Variants in SLCO3A1 observed in about 807,000 individuals in gnomAD.
SLCO3A1 encodes solute carrier organic anion transporter family member 3A1, also known as PGE1 transporter.
Under a neutral mutation model 63.1 loss-of-function variants are expected in SLCO3A1, and 27 were observed. The observed-to-expected ratio is 0.43, with a 90% CI of 0.32 to 0.59. The LOEUF (loss-of-function observed/expected upper bound fraction) is 0.59, where lower values mean the gene tolerates loss of function less well. SLCO3A1 is among the 20% of genes least tolerant of loss of function. SLCO3A1 has a pLI of 0.09. For synonymous variants in SLCO3A1, 473 were observed against 409.9 expected (o/e 1.15, Z -1.86); for missense variants, 773 against 945.8 (o/e 0.82, Z 2.40).
At chr15:92,126,400 C>A in intron 6 of SLCO3A1, 141 bp downstream of exon 6, 1 of 665,844 alleles carries the variant, frequency 1.5e-6, no homozygotes, top group Non-Finnish European at 2.6e-6. Flanking sequence ...TTACTGTCCA[C>A]GTTGGAGAAT....
chr15:91,999,025 T>G (rs2046223160), intron 2 of SLCO3A1, among the ~76,000 whole-genome samples: 1 of 152,188 alleles, frequency 6.6e-6, no homozygotes, highest in Admixed American at 6.5e-5. Flanking sequence ...CCTAAGCAAA[T>G]TATGCAGGAA....
At chr15:92,028,243 T>C (rs996806703) in intron 2 of SLCO3A1, among the ~76,000 whole-genome samples, 2 of 152,008 alleles carry the variant, frequency 1.3e-5, no homozygotes, top group African/African-American at 4.8e-5. Context: ...TTTCCACAAG[T>C]CCGTTGAAGT....
chr15:92,051,768 C>G (rs915818988), intron 2 of SLCO3A1, among the ~76,000 whole-genome samples: 2 of 152,188 alleles, frequency 1.3e-5, no homozygotes, highest in Admixed American at 6.5e-5. Context: ...CAGATTAACT[C>G]TTCAAAGAAG....
chr15:92,067,891 A>G (rs2047170547), intron 2 of SLCO3A1, among the ~76,000 whole-genome samples: 1 of 152,178 alleles, frequency 6.6e-6, no homozygotes, highest in Non-Finnish European at 1.5e-5. Context: ...CGTGAGGATC[A>G]GCTTCTTGAT....
At chr15:92,161,932 TGG>T (rs2048443624) in intron 9 of SLCO3A1, 1 of 130,742 alleles carries the variant, frequency 7.6e-6, no homozygotes, top group African/African-American at 3.0e-5. Context: ...GTTTCCTCTA[TGG>T]AACACCACAC....
chr15:92,048,375 A>G (rs1370845267), intron 2 of SLCO3A1, among the ~76,000 whole-genome samples: 4 of 152,080 alleles, frequency 2.6e-5, no homozygotes, highest in African/African-American at 9.7e-5. Flanking sequence ...GCTGCTATGA[A>G]ATGTGGTCGT....
At chr15:91,939,493 G>C (rs1259475557) in intron 2 of SLCO3A1, among the ~76,000 whole-genome samples, 1 of 152,152 alleles carries the variant, frequency 6.6e-6, no homozygotes, top group African/African-American at 2.4e-5. Context: ...GCTTTGCAGG[G>C]CTGGGCAGAC....
intron 7 of SLCO3A1, among the ~76,000 whole-genome samples, chr15:92,129,770 T>G (rs1417718067): frequency 1.3e-5 from 2 of 151,988 alleles, no homozygotes; most frequent in Non-Finnish European, 2.9e-5. Flanking sequence ...AGAAGAAAAA[T>G]GGATCATTTA....
intron 2 of SLCO3A1, among the ~76,000 whole-genome samples, chr15:91,966,194 C>T (rs776561346): frequency 6.6e-6 from 1 of 151,942 alleles, no homozygotes; most frequent in Non-Finnish European, 1.5e-5. Context: ...CTGGCAGCCC[C>T]AGCCACACCA....
downstream of SLCO3A1, among the ~76,000 whole-genome samples, chr15:92,168,376 G>C (rs2048504359): frequency 6.6e-6 from 1 of 152,194 alleles, no homozygotes; most frequent in African/African-American, 2.4e-5. Context: ...GGGCCAAGTA[G>C]TAAACATTTT....
intron 2 of SLCO3A1, among the ~76,000 whole-genome samples, chr15:92,008,370 T>G (rs1251543341): frequency 6.6e-6 from 1 of 152,200 alleles, no homozygotes; most frequent in African/African-American, 2.4e-5. Context: ...TCACCTATTC[T>G]TTCTGAACTC....
intron 1 of SLCO3A1, among the ~76,000 whole-genome samples, chr15:91,858,736 G>A (rs557432896): frequency 4.4e-4 from 67 of 152,336 alleles, no homozygotes; most frequent in African/African-American, 1.5e-3. Flanking sequence ...CTTCTTGCAC[G>A]AAGTCATTGG....
Position 91,863,800 on chromosome 15 carries a change from T to TTGTG in SLCO3A1, c.180+9715_180+9718dup, listed in dbSNP as rs1213141807. ...AACTGAGGGCAAGACTCCTGACTTA[T>TTGTG]TGTGTGGCATGTCGTGTCGCCTCCC... is the stretch of plus-strand genomic sequence containing the variant. On this transcript the variant is annotated intron_variant, in intron 1 of 9. Coordinates refer to ENST00000318445, the MANE Select transcript of SLCO3A1 (RefSeq NM_013272.4). This position sits in a 1 kb window ranked among gnomAD's most constrained non-coding sequence, Gnocchi z 4.3. Among the ~76,000 whole-genome samples, 1 of 152,210 alleles carries TTGTG rather than the reference T, an allele frequency of 6.6e-6. No individual in the cohort carries two copies. Among genetic ancestry groups the TTGTG allele is most frequent in the Non-Finnish European group, 1.5e-5 (1 of 68,038 alleles).
Position 91,856,500 on chromosome 15 carries a change from A to G in SLCO3A1, c.180+2412A>G, listed in dbSNP as rs1214915796. ...TTCATCTGTTATTTGGGAGATGGGG[A>G]AAAAAAGTTTGCTCCTTCAGCCATG... On this transcript the variant is annotated intron_variant, in intron 1 of 9. Transcript: ENST00000318445. The surrounding 1 kb of genome is among the most constrained non-coding windows in gnomAD (Gnocchi z 4.9). Among the ~76,000 whole-genome samples, 2 of 152,126 alleles carry G rather than the reference A, an allele frequency of 1.3e-5. No homozygotes were observed. Among genetic ancestry groups the G allele is most frequent in the East Asian group, 3.9e-4 (2 of 5,188 alleles).
chr15:92,151,001 C>G lies in SLCO3A1; in HGVS notation c.1740C>G (p.Leu580=), dbSNP rs745665605. The part of the protein sequence containing the change: ...KSYALGVLFL[L]LRLLGFIPPP... ...ACGCTTTGGGAGTTCTTTTTCTCCTCCTTCGTTTGTTGGGTATGTATTATC... is the reference window on the plus strand; with the variant it reads ...ACGCTTTGGGAGTTCTTTTTCTCCTGCTTCGTTTGTTGGGTATGTATTATC... Residue 580 remains leucine, a synonymous_variant, in exon 9 of 10, where the codon CTC becomes CTG. Transcript: ENST00000318445. 1 of 1,611,704 alleles carries G rather than the reference C, an allele frequency of 6.2e-7. No homozygotes were observed. The highest frequency in any genetic ancestry group is 8.5e-7 in the Non-Finnish European group (1 of 1,178,318).
At chr15:91,901,343 G>A (rs1170346852) in intron 1 of SLCO3A1, among the ~76,000 whole-genome samples, 2 of 152,122 alleles carry the variant, frequency 1.3e-5, no homozygotes, top group African/African-American at 4.8e-5. Context: ...ATGGTTCTAT[G>A]CAATCTAATG....
chr15:92,070,527 CA>C (rs1039686236), intron 2 of SLCO3A1, among the ~76,000 whole-genome samples: 2 of 152,094 alleles, frequency 1.3e-5, no homozygotes, highest in African/African-American at 4.8e-5. Context: ...CCTGTAATCC[CA>C]GCTACTCAGG....
intron 2 of SLCO3A1, among the ~76,000 whole-genome samples, chr15:92,064,676 A>G (rs2047127843): frequency 6.6e-6 from 1 of 152,258 alleles, no homozygotes; most frequent in Non-Finnish European, 1.5e-5. Flanking sequence ...CATAGACACA[A>G]TGGAATATTA....
chr15:92,149,703 C>A (rs1418580408), intron 8 of SLCO3A1: 1 of 152,200 alleles, frequency 6.6e-6, no homozygotes, highest in Non-Finnish European at 1.5e-5. Context: ...GATTCTTCTT[C>A]TCATAGGAAG....
Sources: allele counts gnomAD v4.1 joint callset (sites outside exome capture counted in the v4.1 genomes callset), GRCh38; gene constraint gnomAD v4.1.1; non-coding constraint Gnocchi (gnomAD v3.1); transcripts MANE v1.5; gene names NCBI Gene and HGNC (gene_info 2026-07-23, HGNC 2026-07-21).